Variants in OSBP observed in about 807,000 individuals in gnomAD.
OSBP encodes oxysterol binding protein.
In OSBP, 32 loss-of-function variants were observed where a neutral mutation model predicts 96.6. That is an observed-to-expected ratio of 0.33 (90% confidence interval 0.25 to 0.45). The LOEUF (loss-of-function observed/expected upper bound fraction) is 0.45, where lower values mean the gene tolerates loss of function less well. Among genes scored for constraint, OSBP ranks in the 20% least tolerant of loss-of-function variants. The pLI, the probability that OSBP is intolerant of heterozygous loss-of-function variation, is 1.00. For synonymous variants in OSBP, 369 were observed against 389.6 expected (o/e 0.95, Z 0.62); for missense variants, 653 against 1,029.7 (o/e 0.63, Z 5.01).
At chr11:59,597,938 TCAGA>T (rs1860678303) in intron 7 of OSBP, among the ~76,000 whole-genome samples, 1 of 152,122 alleles carries the variant, frequency 6.6e-6, no homozygotes, top group Non-Finnish European at 1.5e-5. Flanking sequence ...ACTCCTGAGC[TCAGA>T]CAATCCACCC....
At chr11:59,611,150 AAAAGAAAG>A (rs1197469501) in intron 1 of OSBP, among the ~76,000 whole-genome samples, 22 of 150,714 alleles carry the variant, frequency 1.5e-4, no homozygotes, top group South Asian at 4.2e-4. Flanking sequence ...AAAAAAAAAA[AAAAGAAAG>A]AAAGAAAGAA....
At chr11:59,604,638 G>A (rs1860758217) in intron 3 of OSBP, among the ~76,000 whole-genome samples, 1 of 152,042 alleles carries the variant, frequency 6.6e-6, no homozygotes, top group South Asian at 2.1e-4. Flanking sequence ...AGAGGCGGAG[G>A]TTACAGTGAA....
chr11:59,585,501 G>A (rs2134656425), intron 9 of OSBP, among the ~76,000 whole-genome samples: 1 of 152,048 alleles, frequency 6.6e-6, no homozygotes, highest in South Asian at 2.1e-4. Context: ...TGGGAAGTGA[G>A]GAGCCTCTCC....
In OSBP at chr11:59,581,098, CTT is replaced by C. The variant is rs140543825; in HGVS notation, c.1782+351_1782+352del. On this transcript the variant is annotated intron_variant, in intron 10 of 13. Transcript: ENST00000263847. ...AATTATTGAGGGACATCTCATCAGA[CTT>C]TGTATCCCCAGGACCTAGCATACTG... Among the ~76,000 whole-genome samples, 611 of 152,294 alleles carry C rather than the reference CTT, an allele frequency of 4.0e-3. 5 individuals are homozygous for C. Among genetic ancestry groups the C allele is most frequent in the African/African-American group, 0.014 (592 of 41,558 alleles).
chr11:59,592,291 A>G (rs1221032168), intron 9 of OSBP, among the ~76,000 whole-genome samples: 1 of 152,256 alleles, frequency 6.6e-6, no homozygotes, highest in East Asian at 1.9e-4. Context: ...CCATGAAATT[A>G]GAGGTAACAC....
At chr11:59,582,504 C>T (rs899702860) in intron 9 of OSBP, among the ~76,000 whole-genome samples, 5 of 152,194 alleles carry the variant, frequency 3.3e-5, no homozygotes, top group Admixed American at 1.3e-4. Flanking sequence ...CCTCACCCTA[C>T]GGGTCCCTTC....
intron 9 of OSBP, among the ~76,000 whole-genome samples, chr11:59,589,453 T>C (rs1860549507): frequency 6.6e-6 from 1 of 151,484 alleles, no homozygotes; most frequent in African/African-American, 2.4e-5. Context: ...ATATAAAAAT[T>C]AGCTGGGTGT....
intron 3 of OSBP, among the ~76,000 whole-genome samples, chr11:59,606,370 G>A (rs1408917024): frequency 6.6e-6 from 1 of 151,114 alleles, no homozygotes. Context: ...ACAATATCAT[G>A]TCCTTTGCAG....
chr11:59,589,247 C>CA (rs978443494), intron 9 of OSBP, among the ~76,000 whole-genome samples: 2 of 150,552 alleles, frequency 1.3e-5, no homozygotes, highest in Admixed American at 1.3e-4. Context: ...CTTGGCCTCC[C>CA]AAAGTGTTGG....
chr11:59,583,944 T>TTC (rs992015372), intron 9 of OSBP, among the ~76,000 whole-genome samples: 1 of 146,174 alleles, frequency 6.8e-6, no homozygotes, highest in African/African-American at 2.5e-5. Context: ...GATGGTGTTT[T>TTC]TTTTTTTTTT....
At position 59,594,142 on chromosome 11, in the gene OSBP, A is replaced by G. The variant is rs759597989; in HGVS notation, c.1425T>C (p.Tyr475=). Residue 475 remains tyrosine (Y), a synonymous_variant, in exon 8 of 14, where the codon TAT becomes TAC. Transcript: ENST00000263847. ...KCENSLEQLC[Y]VAAFTVSSYS... Reference sequence around the variant, plus strand: ...AGGAGGACACGGTGAAAGCTGCAACATAACAGAGCTGTTCTAGAGAATTCT... The same window carrying G: ...AGGAGGACACGGTGAAAGCTGCAACGTAACAGAGCTGTTCTAGAGAATTCT... 1.2e-5 allele frequency: 20 copies of G among 1,614,062 alleles called. No individual in the cohort carries two copies. The highest frequency in any genetic ancestry group is 2.7e-5 in the African/African-American group (2 of 74,916).
intron 5 of OSBP, among the ~76,000 whole-genome samples, 168 bp downstream of exon 5, chr11:59,601,115 C>CAAAAAA (rs11405726): frequency 8.8e-6 from 1 of 113,866 alleles, no homozygotes; most frequent in Non-Finnish European, 1.7e-5. Context: ...GATCTTGAGA[C>CAAAAAA]AAAAAAAAAA....
chr11:59,602,521 C>T lies in OSBP; in HGVS notation c.823-683G>A, dbSNP rs1330418147. On this transcript the variant is annotated intron_variant, in intron 3 of 13. Coordinates refer to ENST00000263847, the MANE Select transcript of OSBP (RefSeq NM_002556.3). ...TAACATGAGGATCAAATACTAACTA[C>T]TGGTTATGAACATAAAGAGACCTTC... 2.0e-5 allele frequency among the ~76,000 whole-genome samples: 3 copies of T among 152,240 alleles called. No individual in the cohort carries two copies. The South Asian group carries it at 6.2e-4, about 32-fold the overall frequency.
chr11:59,610,776 A>G lies in OSBP; in HGVS notation c.363-187T>C, dbSNP rs192769832. Among the ~76,000 whole-genome samples the G allele has an allele frequency of 2.4e-4, 36 of 151,310 alleles. No individual in the cohort carries two copies. The East Asian group carries it at 5.3e-3, about 22-fold the overall frequency. ...TAGTGGGGATTTCCCTTCAGAGCCTATAAGTGTTGTTTCTGAGTCAGATTT... is the reference window on the plus strand; with the variant it reads ...TAGTGGGGATTTCCCTTCAGAGCCTGTAAGTGTTGTTTCTGAGTCAGATTT... On this transcript the variant is annotated intron_variant, in intron 1 of 13. Coordinates refer to ENST00000263847, the MANE Select transcript of OSBP (RefSeq NM_002556.3).
At chr11:59,611,150 A>AAG (rs1554981342) in intron 1 of OSBP, among the ~76,000 whole-genome samples, 8 of 150,606 alleles carry the variant, frequency 5.3e-5, no homozygotes, top group African/African-American at 1.7e-4. Flanking sequence ...AAAAAAAAAA[A>AAG]AAAGAAAGAA....
At chr11:59,578,415 T>C (rs1860384362) in intron 11 of OSBP, 85 bp from the exon 12 acceptor site, 7 of 1,326,300 alleles carry the variant, frequency 5.3e-6, no homozygotes, top group Non-Finnish European at 7.4e-6. Flanking sequence ...CTAGGATAAA[T>C]AATGGTTAGG....
chr11:59,600,783 G>T, intron 6 of OSBP, 36 bp downstream of exon 6: 1 of 1,578,136 alleles, frequency 6.3e-7, no homozygotes. Context: ...CACAACCCAC[G>T]TCCCTCACCT....
rs568379803 is a variant in OSBP at position 59,575,383 on chromosome 11, C to A, written c.*1194G>T. Reference sequence around the variant, plus strand: ...TGATCCTGCTCAGGTTTTGAAATCTCTCTGCCCATAAAAGATGGAGAGCAG... The same window carrying A: ...TGATCCTGCTCAGGTTTTGAAATCTATCTGCCCATAAAAGATGGAGAGCAG... On this transcript the variant is annotated 3_prime_UTR_variant, in exon 14 of 14. Coordinates refer to ENST00000263847, the MANE Select transcript of OSBP (RefSeq NM_002556.3). 302 of 152,368 alleles carry A rather than the reference C, an allele frequency of 2.0e-3. No individual in the cohort carries two copies. Among genetic ancestry groups the A allele is most frequent in the Non-Finnish European group, 1.9e-3 (128 of 68,032 alleles). The allele number at this position is 152,368 out of a possible 1,614,324, so 9.4% of individuals were successfully genotyped here.
intron 11 of OSBP, among the ~76,000 whole-genome samples, chr11:59,579,817 G>A (rs940315101): frequency 6.6e-6 from 1 of 151,776 alleles, no homozygotes; most frequent in Non-Finnish European, 1.5e-5. Context: ...CCAGGTTCAA[G>A]CGATTCTCCT....
Sources: gnomAD v4.1 joint callset for allele counts (sites outside exome capture counted in the v4.1 genomes callset) on GRCh38, gnomAD v4.1.1 for gene constraint, MANE v1.5 for transcripts, NCBI Gene and HGNC (gene_info 2026-07-23, HGNC 2026-07-21) for gene names.